The following CAST variants were observed in gnomAD, a reference collection of about 807,000 sequenced individuals.
CAST encodes calpastatin.
CAST carries 76 observed loss-of-function variants against 119.6 expected under a neutral mutation model. That is an observed-to-expected ratio of 0.64 (90% CI 0.53 to 0.77). The LOEUF is 0.77. Among genes scored for constraint, CAST ranks in the 30% least tolerant of loss-of-function variants. The pLI is 0.00. For synonymous variants in CAST, 319 were observed against 331.6 expected, an observed-to-expected ratio of 0.96 and a Z score of 0.41; for missense variants, 953 against 946.5, an observed-to-expected ratio of 1.01 and a Z score of -0.09.
At chr5:96,728,891 A>T in intron 6 of CAST, 1 of 398,204 alleles carries the variant, frequency 2.5e-6, no homozygotes, top group Non-Finnish European at 4.6e-6. Context: ...ACATACGTGT[A>T]TTTGAAAATA....
chr5:96,393,072 T>A, the CAST span: 1 of 1,614,070 alleles, frequency 6.2e-7, no homozygotes. Flanking sequence ...TAAGGTTTAG[T>A]GTTATAAAAA....
the CAST span, among the ~76,000 whole-genome samples, chr5:96,292,072 A>T: frequency 2.6e-5 from 4 of 152,116 alleles, no homozygotes; most frequent in Non-Finnish European, 4.4e-5. Context: ...CTCTGTTTGA[A>T]TGAGAAGGAA....
At chr5:96,215,885 G>A in the CAST span, among the ~76,000 whole-genome samples, 1 of 152,146 alleles carries the variant, frequency 6.6e-6, no homozygotes, top group Non-Finnish European at 1.5e-5. Context: ...TCAGCTCACT[G>A]CAACCTCTGC....
chr5:96,596,002 T>C (rs187230880), intron 1 of CAST, among the ~76,000 whole-genome samples: 1 of 152,170 alleles, frequency 6.6e-6, no homozygotes, highest in African/African-American at 2.4e-5. Flanking sequence ...GAGCTGCAAA[T>C]GGGGTGGTCT....
the CAST span, among the ~76,000 whole-genome samples, chr5:96,449,822 G>A: frequency 6.6e-6 from 1 of 152,126 alleles, no homozygotes. Flanking sequence ...TTGCACCTTG[G>A]TGTGAGAACC....
chr5:96,456,034 G>C, the CAST span, among the ~76,000 whole-genome samples: 16 of 152,064 alleles, frequency 1.1e-4, no homozygotes, highest in Non-Finnish European at 2.2e-4. Context: ...GAACAGGGCT[G>C]GGTATAACAT....
At chr5:96,577,690 C>T (rs566001355) in intron 1 of CAST, among the ~76,000 whole-genome samples, 62 of 152,030 alleles carry the variant, frequency 4.1e-4, no homozygotes, top group African/African-American at 1.4e-3. Context: ...TAGAAATTTT[C>T]CTGTCTTCTG....
At chr5:95,998,314 A>G in the CAST span, among the ~76,000 whole-genome samples, 1 of 150,418 alleles carries the variant, frequency 6.6e-6, no homozygotes, top group Non-Finnish European at 1.5e-5. Flanking sequence ...TTATATGCAT[A>G]TATTGTATAG....
intron 1 of CAST, among the ~76,000 whole-genome samples, chr5:96,615,465 G>A (rs1160612545): frequency 1.3e-5 from 2 of 152,296 alleles, no homozygotes; most frequent in African/African-American, 4.8e-5. Context: ...TGTTCACATA[G>A]TCCAGTCTAT....
chr5:96,427,481 T>C, the CAST span, among the ~76,000 whole-genome samples: 15 of 152,316 alleles, frequency 9.8e-5, no homozygotes, highest in Admixed American at 7.2e-4. Flanking sequence ...GTTTCTATGG[T>C]TCCAGAATGT....
At chr5:96,553,193 C>T (rs528916500) in intron 1 of CAST, among the ~76,000 whole-genome samples, 1 of 152,310 alleles carries the variant, frequency 6.6e-6, no homozygotes, top group South Asian at 2.1e-4. Context: ...TCCAGCAGCA[C>T]ATCAAAAAGC....
At chr5:96,112,074 T>C in the CAST span, among the ~76,000 whole-genome samples, 1 of 151,676 alleles carries the variant, frequency 6.6e-6, no homozygotes, top group African/African-American at 2.4e-5. Context: ...GCTTCTTTTA[T>C]ACAATAAGAA....
At chr5:96,339,362 G>T in the CAST span, among the ~76,000 whole-genome samples, 1 of 152,204 alleles carries the variant, frequency 6.6e-6, no homozygotes, top group Admixed American at 6.5e-5. Context: ...TTTTGTGAAG[G>T]ATACCAACTA....
chr5:96,767,896 T>C lies in CAST; in HGVS notation c.2176-11T>C, dbSNP rs1268944041. 1 of 1,588,964 alleles carries C rather than the reference T, an allele frequency of 6.3e-7. No individual in the cohort carries two copies. Among genetic ancestry groups the C allele is most frequent in the Non-Finnish European group, 8.6e-7 (1 of 1,157,398 alleles). On this transcript the variant is annotated splice_polypyrimidine_tract_variant and intron_variant, in intron 28 of 31. Transcript: ENST00000675179. ...CTTCTTCACTGATGGTTATTTCTAC[T>C]CATATCTCAGAAACCTGCAGATGAC...
chr5:96,145,431 T>C, the CAST span, among the ~76,000 whole-genome samples: 39 of 152,246 alleles, frequency 2.6e-4, no homozygotes, highest in Non-Finnish European at 1.3e-4. Context: ...TTAACAGTTA[T>C]GGATGTAGAA....
chr5:96,164,189 A>T, the CAST span, among the ~76,000 whole-genome samples: 1 of 152,260 alleles, frequency 6.6e-6, no homozygotes, highest in Non-Finnish European at 1.5e-5. Context: ...ACATACATAC[A>T]CATGTGTCTA....
the CAST span, among the ~76,000 whole-genome samples, chr5:96,345,730 TC>T: frequency 6.6e-6 from 1 of 152,134 alleles, no homozygotes; most frequent in African/African-American, 2.4e-5. Context: ...GGGATTCAGT[TC>T]CTCAGGGACT....
the CAST span, among the ~76,000 whole-genome samples, chr5:96,021,767 C>T: frequency 2.0e-5 from 3 of 152,120 alleles, no homozygotes; most frequent in Non-Finnish European, 4.4e-5. Context: ...TCCATTTTCA[C>T]AAATCAGTTT....
chr5:96,412,544 G>C, the CAST span: 35 of 1,473,462 alleles, frequency 2.4e-5, no homozygotes, highest in South Asian at 4.0e-4. Context: ...TATGTACATG[G>C]ACAAAAGCCC....
Sources: gnomAD v4.1 joint callset for allele counts (sites outside exome capture counted in the v4.1 genomes callset) on GRCh38, gnomAD v4.1.1 for gene constraint, MANE v1.5 for transcripts, NCBI Gene and HGNC (gene_info 2026-07-23, HGNC 2026-07-21) for gene names.